Variants in MAP7D3 observed in about 807,000 individuals in gnomAD.
MAP7D3 encodes the protein MAP7 domain containing 3, also known as MAP7 domain-containing protein 3.
Under a neutral mutation model 62.2 loss-of-function variants are expected in MAP7D3, and 45 were observed. The observed-to-expected ratio is 0.72, with a 90% CI of 0.57 to 0.93. The LOEUF is 0.93. MAP7D3 is among the 40% of genes least tolerant of loss of function. The probability of loss-of-function intolerance (pLI) is 0.00; values close to 1 mark genes in which losing one functional copy is unlikely to be tolerated. For missense variants in MAP7D3, 711 were observed against 683.1 expected, an observed-to-expected ratio of 1.04 and a Z score of -0.45; for synonymous variants, 288 against 248.8, an observed-to-expected ratio of 1.16 and a Z score of -1.48.
chrX:136,250,398 G>T (rs752801123), intron 1 of MAP7D3, among the ~76,000 whole-genome samples: 2 of 111,953 alleles, frequency 1.8e-5, no homozygotes, highest in African/African-American at 3.2e-5. Flanking sequence ...CTCAGGTAGT[G>T]GAGCAGTCTC....
In MAP7D3 at chrX:136,218,780, G is replaced by C. The variant is rs150300248; in HGVS notation, c.*33-287C>G. Among the ~76,000 whole-genome samples the C allele has an allele frequency of 5.6e-3, 629 of 111,939 alleles. 1 individual carries two copies. The highest frequency in any genetic ancestry group is 0.02 in the African/African-American group (602 of 30,870). On this transcript the variant is annotated intron_variant, in intron 18 of 18. Coordinates refer to ENST00000316077, the MANE Select transcript of MAP7D3 (RefSeq NM_024597.4). The stretch of plus-strand genomic sequence containing the variant: ...AGACCTCCCTAATCTTCTGCCCTAA[G>C]CAACTGTCTGTGTGCTTGCCAAGCA...
At chrX:136,227,003 C>T (rs1377265994) in intron 12 of MAP7D3, among the ~76,000 whole-genome samples, 2 of 111,102 alleles carry the variant, frequency 1.8e-5, no homozygotes, top group Non-Finnish European at 3.8e-5. Context: ...GTGTCAGATG[C>T]CTGTAATCCC....
Position 136,231,809 on chromosome X carries a change from A to T in MAP7D3, c.1148T>A (p.Val383Glu). Residue 383 changes from valine (V) to glutamate (E), a missense_variant, in exon 8 of 19, where the codon GTA becomes GAA. Physicochemically the swap from Val to Glu is moderately radical, Grantham distance 121 (BLOSUM62 -2). Transcript: ENST00000316077. ...TTCCAGGCTCGCCTCCGGGGATGCT[A>T]CTATGCTCACCTTGGGAACTGTTTC... is the stretch of plus-strand genomic sequence containing the variant. ...DLETVPKVSIVASPEASLEAP... is the reference protein window; with the variant it reads ...DLETVPKVSIEASPEASLEAP... 1.7e-6 allele frequency: 2 copies of T among 1,210,857 alleles called. No individual in the cohort carries two copies. Among genetic ancestry groups the T allele is most frequent in the South Asian group, 3.5e-5 (2 of 56,947 alleles).
upstream of MAP7D3, among the ~76,000 whole-genome samples, chrX:136,255,089 C>T (rs2074544345): frequency 4.5e-5 from 5 of 111,468 alleles, no homozygotes; most frequent in Admixed American, 1.9e-4. Context: ...TGGTGGCACG[C>T]GCCTGTAATC....
At chrX:136,231,031 T>C in intron 8 of MAP7D3, 65 bp from the exon 9 acceptor site, 1 of 906,084 alleles carries the variant, frequency 1.1e-6, no homozygotes. Context: ...GCTGGCTTTT[T>C]TTTTTTTTTT....
chrX:136,235,685 G>A (rs1305111879), intron 7 of MAP7D3, among the ~76,000 whole-genome samples: 2 of 110,969 alleles, frequency 1.8e-5, no homozygotes, highest in Non-Finnish European at 3.8e-5. Flanking sequence ...GGAGGTGGAG[G>A]TTGCAGTGAG....
At chrX:136,240,853 C>A (rs2074382322) in intron 5 of MAP7D3, among the ~76,000 whole-genome samples, 1 of 112,203 alleles carries the variant, frequency 8.9e-6, no homozygotes, top group Admixed American at 9.5e-5. Context: ...CAATAGTAGA[C>A]AAGGCAGACT....
chrX:136,249,041 T>G (rs1188601579), intron 1 of MAP7D3, among the ~76,000 whole-genome samples: 4 of 112,096 alleles, frequency 3.6e-5, no homozygotes. Flanking sequence ...ACCTCCAAGT[T>G]CAAACCAAAG....
At chrX:136,237,577 C>A (rs1050851216) in intron 6 of MAP7D3, among the ~76,000 whole-genome samples, 1 of 111,789 alleles carries the variant, frequency 8.9e-6, no homozygotes, top group Non-Finnish European at 1.9e-5. Context: ...ACATACTGTA[C>A]CTTTAAGAAA....
chrX:136,213,507 C>T (rs1056703724), downstream of MAP7D3: 2 of 110,770 alleles, frequency 1.8e-5, no homozygotes, highest in East Asian at 2.9e-4. Context: ...ACCTGTGAGA[C>T]GTAAAATTTC....
At chrX:136,227,153 A>G in intron 12 of MAP7D3, 131 bp downstream of exon 12, 1 of 475,146 alleles carries the variant, frequency 2.1e-6, no homozygotes, top group African/African-American at 2.5e-5. Context: ...AAATAAATAA[A>G]ATAAAAAATA....
At chrX:136,242,082 G>A (rs2074396127) in intron 4 of MAP7D3, among the ~76,000 whole-genome samples, 1 of 111,323 alleles carries the variant, frequency 9.0e-6, no homozygotes, top group South Asian at 3.8e-4. Context: ...AGCCTCTACT[G>A]TTTCTACCAA....
In MAP7D3 at chrX:136,228,641, C is replaced by T. The variant is rs756258024; in HGVS notation, c.1868G>A (p.Arg623Gln). 98 of 1,205,706 alleles carry T rather than the reference C, an allele frequency of 8.1e-5. No individual in the cohort carries two copies. Among genetic ancestry groups the T allele is most frequent in the Non-Finnish European group, 1.0e-4 (92 of 893,540 alleles). The stretch of plus-strand genomic sequence containing the variant: ...TGCTGACCTTTGCTGCATTTCTTCC[C>T]GTTGTCTTTCTTCTTCCTCTTTTTC... ...QREKEEEERQ[R>Q]EEMQQRVIKK... Residue 623 changes from arginine (R) to glutamine (Q), a missense_variant, in exon 11 of 19, where the codon CGG (arginine) becomes CAG (glutamine). Arg to Gln is a conservative substitution (Grantham distance 43). Coordinates refer to ENST00000316077, the MANE Select transcript of MAP7D3 (RefSeq NM_024597.4).
intron 18 of MAP7D3, among the ~76,000 whole-genome samples, chrX:136,218,868 T>G (rs1328677361): frequency 9.0e-6 from 1 of 111,119 alleles, no homozygotes; most frequent in Non-Finnish European, 1.9e-5. Flanking sequence ...TTTTTTTTTT[T>G]GAGACAGAGT....
downstream of MAP7D3, chrX:136,215,138 G>C (rs1388496934): frequency 8.9e-6 from 1 of 111,973 alleles, no homozygotes; most frequent in Non-Finnish European, 1.9e-5. Context: ...CAAAGACTTG[G>C]GATAAACAAG....
Position 136,251,386 on chromosome X carries a change from C to G in MAP7D3, c.-28G>C, listed in dbSNP as rs1373542065. 9.5e-7 allele frequency: 1 copy of G among 1,054,723 alleles called. No homozygotes were observed. Among genetic ancestry groups the G allele is most frequent in the Non-Finnish European group, 1.2e-6 (1 of 817,478 alleles). 86.9% of individuals were successfully genotyped at this position (1,054,723 alleles called of 1,213,427 possible). A position where few individuals can be genotyped will look rare whatever the true frequency, so the allele number is the denominator to read the frequency against. ...GAGTCGGGACCGGAGGCGGTGGTGG[C>G]TCTCCGCATACATTGCGCAGGCGTC... On this transcript the variant is annotated 5_prime_UTR_variant, in exon 1 of 19. Coordinates refer to ENST00000316077, the MANE Select transcript of MAP7D3 (RefSeq NM_024597.4).
chrX:136,254,300 G>A (rs746964707), upstream of MAP7D3, among the ~76,000 whole-genome samples: 1 of 109,795 alleles, frequency 9.1e-6, no homozygotes, highest in East Asian at 2.9e-4. Flanking sequence ...GACCAGTCTA[G>A]TCTCCAACTC....
intron 11 of MAP7D3, among the ~76,000 whole-genome samples, chrX:136,228,399 T>A (rs1404742124): frequency 9.0e-6 from 1 of 111,699 alleles, no homozygotes; most frequent in Non-Finnish European, 1.9e-5. Flanking sequence ...GCACATGATG[T>A]ATGGAGGCTA....
chrX:136,242,831 TTCTC>T (rs2074404556), intron 4 of MAP7D3, among the ~76,000 whole-genome samples: 1 of 112,097 alleles, frequency 8.9e-6, no homozygotes, highest in Non-Finnish European at 1.9e-5. Flanking sequence ...ACTTAGTTCA[TTCTC>T]TCTCTTTCTC....
Sources: gnomAD v4.1 joint callset for allele counts (sites outside exome capture counted in the v4.1 genomes callset) on GRCh38, gnomAD v4.1.1 for gene constraint, MANE v1.5 for transcripts, NCBI Gene and HGNC (gene_info 2026-07-23, HGNC 2026-07-21) for gene names.